Variants in CDC42BPA observed in about 807,000 individuals in gnomAD.
CDC42BPA encodes CDC42 binding protein kinase alpha.
CDC42BPA carries 80 observed loss-of-function variants against 223.5 expected under a neutral mutation model. That is an observed-to-expected ratio of 0.36 (90% CI 0.30 to 0.43). The LOEUF is 0.43. CDC42BPA is among the 20% of genes least tolerant of loss of function. The pLI, the probability that CDC42BPA is intolerant of heterozygous loss-of-function variation, is 1.00. For synonymous variants in CDC42BPA, 694 were observed against 718.6 expected (o/e 0.97, Z 0.55); for missense variants, 1,743 against 2,099.9 (o/e 0.83, Z 3.32).
chr1:227,026,896 C>G (rs1452160766), intron 30 of CDC42BPA, among the ~76,000 whole-genome samples: 1 of 152,060 alleles, frequency 6.6e-6, no homozygotes, highest in Non-Finnish European at 1.5e-5. Context: ...CTCAAGTGAT[C>G]CTCCTACCTC....
chr1:227,131,246 T>C (rs1403343453), intron 10 of CDC42BPA, among the ~76,000 whole-genome samples: 1 of 152,220 alleles, frequency 6.6e-6, no homozygotes, highest in African/African-American at 2.4e-5. Flanking sequence ...TCTTCTGTCT[T>C]GTGAACCAAA....
chr1:227,281,872 C>T (rs1688063253), intron 1 of CDC42BPA, among the ~76,000 whole-genome samples: 1 of 151,940 alleles, frequency 6.6e-6, no homozygotes, highest in African/African-American at 2.4e-5. Context: ...AGCAGTCAAT[C>T]AGGAAAAAAG....
At chr1:227,216,024 A>C (rs776899410) in intron 2 of CDC42BPA, among the ~76,000 whole-genome samples, 8 of 152,186 alleles carry the variant, frequency 5.3e-5, no homozygotes, top group Non-Finnish European at 1.2e-4. Flanking sequence ...CATACACTTG[A>C]AAAAATTACT....
intron 17 of CDC42BPA, among the ~76,000 whole-genome samples, chr1:227,080,237 C>T (rs1236691899): frequency 6.8e-6 from 1 of 147,064 alleles, no homozygotes; most frequent in African/African-American, 2.5e-5. Context: ...AGTTAAGTTA[C>T]CTATTTTTAC....
At chr1:227,297,639 A>T (rs549159510) in intron 1 of CDC42BPA, among the ~76,000 whole-genome samples, 14 of 152,316 alleles carry the variant, frequency 9.2e-5, no homozygotes, top group African/African-American at 3.4e-4. Flanking sequence ...ATAATGCCAC[A>T]TGAATGAACC....
At chr1:227,271,055 T>C (rs1037045077) in intron 1 of CDC42BPA, among the ~76,000 whole-genome samples, 3 of 152,192 alleles carry the variant, frequency 2.0e-5, no homozygotes, top group African/African-American at 7.2e-5. Flanking sequence ...AACACTGGCA[T>C]GTAAGTACCT....
At chr1:227,099,757 TTAAC>T (rs1001795103) in intron 15 of CDC42BPA, among the ~76,000 whole-genome samples, 7 of 152,170 alleles carry the variant, frequency 4.6e-5, no homozygotes, top group Non-Finnish European at 8.8e-5. Context: ...GTTTTAATCT[TTAAC>T]TAAGAAATCA....
intron 5 of CDC42BPA, among the ~76,000 whole-genome samples, chr1:227,171,883 T>C (rs1442363582): frequency 6.6e-6 from 1 of 152,136 alleles, no homozygotes; most frequent in African/African-American, 2.4e-5. Context: ...GCACAGGGGA[T>C]TGGTCCCTGA....
chr1:227,106,253 TG>T (rs1414927074), intron 14 of CDC42BPA, among the ~76,000 whole-genome samples: 3 of 152,182 alleles, frequency 2.0e-5, no homozygotes, highest in African/African-American at 7.2e-5. Context: ...TCTGGAGAAA[TG>T]TCTATTCAAG....
intron 5 of CDC42BPA, among the ~76,000 whole-genome samples, chr1:227,169,264 A>C (rs542477067): frequency 6.6e-6 from 1 of 152,164 alleles, no homozygotes; most frequent in Non-Finnish European, 1.5e-5. Flanking sequence ...GGGTCATTTC[A>C]GGGATACTCT....
intron 35 of CDC42BPA, among the ~76,000 whole-genome samples, chr1:226,999,322 G>A (rs1032333998): frequency 1.3e-4 from 20 of 152,000 alleles, no homozygotes; most frequent in South Asian, 2.1e-4. Flanking sequence ...GACTACAGGC[G>A]CCCGCCACCA....
At chr1:227,127,710 A>G (rs1656129370) in intron 11 of CDC42BPA, among the ~76,000 whole-genome samples, 1 of 152,212 alleles carries the variant, frequency 6.6e-6, no homozygotes, top group African/African-American at 2.4e-5. Flanking sequence ...AGTAACAGAG[A>G]TTAGATATAT....
At chr1:227,230,063 GA>G (rs1190627036) in intron 2 of CDC42BPA, among the ~76,000 whole-genome samples, 1 of 152,142 alleles carries the variant, frequency 6.6e-6, no homozygotes, top group African/African-American at 2.4e-5. Flanking sequence ...GAATACCTAG[GA>G]TACTTAACAG....
chr1:227,250,806 C>T (rs577184117), intron 2 of CDC42BPA, among the ~76,000 whole-genome samples: 10 of 152,058 alleles, frequency 6.6e-5, no homozygotes, highest in Non-Finnish European at 1.0e-4. Flanking sequence ...AATCCCAGCA[C>T]TTTGGGAGGC....
intron 10 of CDC42BPA, among the ~76,000 whole-genome samples, chr1:227,138,901 G>T (rs1165685823): frequency 6.6e-6 from 1 of 152,130 alleles, no homozygotes; most frequent in Non-Finnish European, 1.5e-5. Flanking sequence ...GGTATAAATA[G>T]CAGAGTTAAA....
At chr1:227,161,593 C>G (rs911376121) in intron 5 of CDC42BPA, among the ~76,000 whole-genome samples, 1 of 152,160 alleles carries the variant, frequency 6.6e-6, no homozygotes, top group Non-Finnish European at 1.5e-5. Flanking sequence ...ATTACTGAAG[C>G]AATTTCTCTG....
At chr1:227,155,364 A>G (rs1192806194) in intron 6 of CDC42BPA, among the ~76,000 whole-genome samples, 1 of 152,200 alleles carries the variant, frequency 6.6e-6, no homozygotes. Flanking sequence ...TCAATACAAT[A>G]TGAAGGCATT....
chr1:227,233,331 C>G (rs1678384717), intron 2 of CDC42BPA, among the ~76,000 whole-genome samples: 1 of 152,098 alleles, frequency 6.6e-6, no homozygotes, highest in African/African-American at 2.4e-5. Flanking sequence ...GCCACCACGC[C>G]CGGCCTCTAT....
At chr1:227,060,020 GTT>G (rs143944932) in intron 21 of CDC42BPA, among the ~76,000 whole-genome samples, 179 of 94,184 alleles carry the variant, frequency 1.9e-3, no homozygotes, top group African/African-American at 7.6e-3. Flanking sequence ...ATCTCAAAAA[GTT>G]TTTTTTTGTT....
Sources: allele counts gnomAD v4.1 joint callset (sites outside exome capture counted in the v4.1 genomes callset), GRCh38; gene constraint gnomAD v4.1.1; transcripts MANE v1.5; gene names NCBI Gene and HGNC (gene_info 2026-07-23, HGNC 2026-07-21).